Variants in CTNND2 observed in about 807,000 individuals in gnomAD.
The protein encoded by CTNND2 is catenin delta 2.
Under a neutral mutation model 144.4 loss-of-function variants are expected in CTNND2, and 22 were observed. That is an observed-to-expected ratio of 0.15 (90% CI 0.11 to 0.22). CTNND2 has a LOEUF of 0.22. Ranked by LOEUF, CTNND2 falls within the 10% of genes least tolerant of loss-of-function variation. The probability of loss-of-function intolerance (pLI) is 1.00; values close to 1 mark genes in which losing one functional copy is unlikely to be tolerated. For missense variants in CTNND2, 1,353 were observed against 1,618.8 expected (o/e 0.84, Z 2.82); for synonymous variants, 751 against 695.6 (o/e 1.08, Z -1.25).
intron 13 of CTNND2, among the ~76,000 whole-genome samples, chr5:11,112,124 C>T (rs868254893): frequency 2.2e-4 from 34 of 152,304 alleles, no homozygotes; most frequent in South Asian, 6.2e-4. Context: ...GCTGGGATTA[C>T]AGTCGTGAGC....
intron 11 of CTNND2, among the ~76,000 whole-genome samples, chr5:11,169,973 C>T (rs151216400): frequency 2.6e-5 from 4 of 152,170 alleles, no homozygotes; most frequent in Admixed American, 1.3e-4. Context: ...AAATTGTAGC[C>T]GAAAATATCT....
At chr5:11,283,407 G>A (rs1747364837) in intron 9 of CTNND2, among the ~76,000 whole-genome samples, 1 of 152,050 alleles carries the variant, frequency 6.6e-6, no homozygotes, top group Admixed American at 6.6e-5. Context: ...TGGGCGCAGT[G>A]GCTCACACCT....
At chr5:11,383,212 G>C (rs61749856) in intron 7 of CTNND2, among the ~76,000 whole-genome samples, 1 of 152,058 alleles carries the variant, frequency 6.6e-6, no homozygotes, top group Non-Finnish European at 1.5e-5. Context: ...CTAGTAGGAC[G>C]CCTGGACTCC....
chr5:11,009,216 C>T (rs1179089993), intron 18 of CTNND2, among the ~76,000 whole-genome samples: 4 of 152,158 alleles, frequency 2.6e-5, no homozygotes, highest in Admixed American at 6.5e-5. Context: ...CTGAGCAACC[C>T]ACCCCACTGC....
intron 3 of CTNND2, among the ~76,000 whole-genome samples, chr5:11,460,590 G>T (rs184783932): frequency 6.6e-6 from 1 of 152,194 alleles, no homozygotes; most frequent in East Asian, 1.9e-4. Context: ...CTTGTTTTTG[G>T]ATCTGGCCCT....
intron 16 of CTNND2, among the ~76,000 whole-genome samples, chr5:11,068,681 C>T (rs952074779): frequency 2.0e-5 from 3 of 152,126 alleles, no homozygotes; most frequent in African/African-American, 7.2e-5. Context: ...TTTGGGAAGC[C>T]GAGGCGGGCG....
At chr5:11,343,910 A>C (rs879772833) in intron 9 of CTNND2, among the ~76,000 whole-genome samples, 33 of 152,226 alleles carry the variant, frequency 2.2e-4, no homozygotes, top group Non-Finnish European at 4.0e-4. Context: ...AAAAGCTTGA[A>C]AACATTGAAA....
chr5:11,240,009 T>C (rs1742047472), intron 9 of CTNND2, among the ~76,000 whole-genome samples: 1 of 152,068 alleles, frequency 6.6e-6, no homozygotes, highest in African/African-American at 2.4e-5. Context: ...AGAATGAAGG[T>C]GCTAACGAAT....
intron 3 of CTNND2, among the ~76,000 whole-genome samples, chr5:11,432,299 C>A (rs916329511): frequency 6.7e-6 from 1 of 150,292 alleles, no homozygotes; most frequent in Non-Finnish European, 1.5e-5. Context: ...AAAAGAGACC[C>A]AAATTGTATG....
chr5:10,987,387 A>G (rs1344680840), intron 20 of CTNND2, among the ~76,000 whole-genome samples: 1 of 152,134 alleles, frequency 6.6e-6, no homozygotes, highest in East Asian at 1.9e-4. Flanking sequence ...AGAGACAGAT[A>G]CCCACTGTAC....
chr5:11,807,409 T>A (rs1332638614), intron 1 of CTNND2, among the ~76,000 whole-genome samples: 1 of 152,176 alleles, frequency 6.6e-6, no homozygotes, highest in Non-Finnish European at 1.5e-5. Context: ...ATCATAACTC[T>A]AAGTCCTTGT....
At chr5:11,179,295 A>G (rs1174582154) in intron 11 of CTNND2, among the ~76,000 whole-genome samples, 5 of 152,186 alleles carry the variant, frequency 3.3e-5, no homozygotes, top group Admixed American at 6.5e-5. Context: ...TCCATCTCAA[A>G]AAAAAGCACA....
chr5:11,286,033 C>A (rs1747711247), intron 9 of CTNND2, among the ~76,000 whole-genome samples: 1 of 99,572 alleles, frequency 1.0e-5, no homozygotes. Context: ...AGTGCTTTTC[C>A]AGCAATTGAT....
intron 1 of CTNND2, among the ~76,000 whole-genome samples, chr5:11,836,638 A>G (rs1794196786): frequency 6.6e-6 from 1 of 152,180 alleles, no homozygotes; most frequent in Non-Finnish European, 1.5e-5. Flanking sequence ...AAGGAAATAC[A>G]TCATCTCTTA....
intron 6 of CTNND2, among the ~76,000 whole-genome samples, chr5:11,392,393 G>T (rs1759712851): frequency 6.6e-6 from 1 of 152,174 alleles, no homozygotes; most frequent in South Asian, 2.1e-4. Flanking sequence ...TGAAGAATAC[G>T]TAAGGAGAGA....
At chr5:11,238,524 T>C (rs545427461) in intron 9 of CTNND2, among the ~76,000 whole-genome samples, 2 of 152,336 alleles carry the variant, frequency 1.3e-5, no homozygotes, top group East Asian at 3.9e-4. Context: ...GTAGAGGTTG[T>C]CAAGTAAACC....
intron 16 of CTNND2, among the ~76,000 whole-genome samples, chr5:11,051,269 T>A (rs867769419): frequency 4.6e-5 from 7 of 152,142 alleles, no homozygotes; most frequent in African/African-American, 1.7e-4. Context: ...CAGAGAGATA[T>A]GAGTTAACCA....
At chr5:11,020,767 G>C (rs1168933191) in intron 17 of CTNND2, among the ~76,000 whole-genome samples, 2 of 137,422 alleles carry the variant, frequency 1.5e-5, no homozygotes, top group African/African-American at 2.8e-5. Context: ...ACATGAAACA[G>C]TGAATGAGAC....
chr5:10,983,038 G>C (rs1432025778), intron 20 of CTNND2, among the ~76,000 whole-genome samples: 1 of 152,146 alleles, frequency 6.6e-6, no homozygotes, highest in Non-Finnish European at 1.5e-5. Context: ...AGAGGGGATG[G>C]TTAATGGGTA....
Sources: gnomAD v4.1 joint callset for allele counts (sites outside exome capture counted in the v4.1 genomes callset) on GRCh38, gnomAD v4.1.1 for gene constraint, MANE v1.5 for transcripts, NCBI Gene and HGNC (gene_info 2026-07-23, HGNC 2026-07-21) for gene names.